The following FAM135B variants were observed in gnomAD, a reference collection of about 807,000 sequenced individuals.
The protein encoded by FAM135B is family with sequence similarity 135 member B, also known as protein FAM135B.
FAM135B carries 43 observed loss-of-function variants against 127.7 expected under a neutral mutation model. That is an observed-to-expected ratio of 0.34 (90% CI 0.26 to 0.43). The LOEUF is 0.43. Ranked by LOEUF, FAM135B falls within the 20% of genes least tolerant of loss-of-function variation. The probability of loss-of-function intolerance (pLI) is 1.00; values close to 1 mark genes in which losing one functional copy is unlikely to be tolerated. For synonymous variants in FAM135B, 670 were observed against 665.1 expected, an observed-to-expected ratio of 1.01 and a Z score of -0.11; for missense variants, 1,558 against 1,725.6, an observed-to-expected ratio of 0.90 and a Z score of 1.72.
At chr8:138,453,771 T>C (rs548483119) in intron 1 of FAM135B, among the ~76,000 whole-genome samples, 6 of 152,184 alleles carry the variant, frequency 3.9e-5, no homozygotes, top group Admixed American at 1.3e-4. Context: ...CTCAGCACCT[T>C]ACATGTTATT....
At chr8:138,454,683 G>A (rs1836679534) in intron 1 of FAM135B, among the ~76,000 whole-genome samples, 1 of 152,166 alleles carries the variant, frequency 6.6e-6, no homozygotes, top group Non-Finnish European at 1.5e-5. Flanking sequence ...TTTAGTTTCA[G>A]TCCATCTAGA....
Position 138,174,372 on chromosome 8 carries a change from C to T in FAM135B, c.1103+2975G>A, listed in dbSNP as rs570708998. 7.2e-5 allele frequency among the ~76,000 whole-genome samples: 11 copies of T among 152,254 alleles called. 1 individual carries two copies. In the East Asian group the frequency reaches 2.1e-3, roughly 29 times the overall value. On this transcript the variant is annotated intron_variant, in intron 11 of 19. Transcript: ENST00000395297. The stretch of plus-strand genomic sequence containing the variant: ...ACCTCCCCGGGGTGACTACCTTTCT[C>T]CAGCTCTGACCTCCAGGTGTGCAGA...
chr8:138,443,377 G>A (rs978389951), intron 1 of FAM135B, among the ~76,000 whole-genome samples: 2 of 152,042 alleles, frequency 1.3e-5, no homozygotes, highest in African/African-American at 4.8e-5. Flanking sequence ...CAGAAAATAT[G>A]ATCTGAACTC....
intron 2 of FAM135B, among the ~76,000 whole-genome samples, chr8:138,343,389 G>T (rs1054233565): frequency 2.6e-5 from 4 of 152,190 alleles, no homozygotes; most frequent in Non-Finnish European, 5.9e-5. Context: ...CAGGCACAAA[G>T]CTTGACCTCC....
intron 7 of FAM135B, among the ~76,000 whole-genome samples, chr8:138,206,550 A>G (rs1817651872): frequency 6.6e-6 from 1 of 151,300 alleles, no homozygotes; most frequent in African/African-American, 2.4e-5. Flanking sequence ...CAACTCCAGC[A>G]TCCCCTCCAC....
At chr8:138,172,451 A>C (rs1373837197) in intron 11 of FAM135B, among the ~76,000 whole-genome samples, 2 of 152,196 alleles carry the variant, frequency 1.3e-5, no homozygotes, top group Admixed American at 6.5e-5. Context: ...AGTGAGTATA[A>C]ATGTCACCTT....
intron 2 of FAM135B, among the ~76,000 whole-genome samples, chr8:138,350,106 T>C (rs947287417): frequency 6.6e-6 from 1 of 152,186 alleles, no homozygotes; most frequent in Non-Finnish European, 1.5e-5. Context: ...GTCACTCTGA[T>C]ATCAGATGCC....
intron 1 of FAM135B, among the ~76,000 whole-genome samples, chr8:138,374,606 G>C (rs747980867): frequency 1.3e-5 from 2 of 152,180 alleles, no homozygotes; most frequent in Non-Finnish European, 2.9e-5. Context: ...CTCTAGGCCA[G>C]AGTGTGAATA....
chr8:138,366,898 G>A (rs1830776067), intron 2 of FAM135B, among the ~76,000 whole-genome samples: 1 of 152,262 alleles, frequency 6.6e-6, no homozygotes, highest in South Asian at 2.1e-4. Flanking sequence ...CTGAACAACA[G>A]GAGATTTTGT....
intron 1 of FAM135B, among the ~76,000 whole-genome samples, chr8:138,470,124 C>T (rs1587530089): frequency 1.3e-5 from 2 of 152,152 alleles, no homozygotes; most frequent in Non-Finnish European, 2.9e-5. Flanking sequence ...AATATCTGAA[C>T]TGAAATATAA....
intron 3 of FAM135B, among the ~76,000 whole-genome samples, chr8:138,306,044 C>T (rs966112018): frequency 2.6e-5 from 4 of 152,096 alleles, no homozygotes; most frequent in African/African-American, 4.8e-5. Flanking sequence ...TTCTGAAAAT[C>T]CCCATCACAC....
intron 1 of FAM135B, among the ~76,000 whole-genome samples, chr8:138,431,953 A>T (rs907103192): frequency 6.6e-6 from 1 of 152,192 alleles, no homozygotes; most frequent in Non-Finnish European, 1.5e-5. Flanking sequence ...GAGGCACCCA[A>T]AGATAACCAA....
chr8:138,486,382 G>A (rs1814986620), intron 1 of FAM135B, among the ~76,000 whole-genome samples: 1 of 152,114 alleles, frequency 6.6e-6, no homozygotes, highest in Non-Finnish European at 1.5e-5. Flanking sequence ...AGGAAGACCT[G>A]GAGGGCTGTA....
At chr8:138,140,681 T>C (rs1181064524) in intron 17 of FAM135B, among the ~76,000 whole-genome samples, 1 of 152,190 alleles carries the variant, frequency 6.6e-6, no homozygotes. Flanking sequence ...ACACACCATA[T>C]ATATGTATAC....
At chr8:138,362,057 G>A (rs881007) in intron 2 of FAM135B, among the ~76,000 whole-genome samples, 140,461 of 152,152 alleles carry the variant, frequency 0.92, 65,322 homozygotes, top group Non-Finnish European at 0.99. Context: ...GGCATGCAAC[G>A]CATAATAATC....
chr8:138,177,495 G>A, intron 10 of FAM135B, 75 bp from the exon 11 acceptor site: 1 of 1,277,402 alleles, frequency 7.8e-7, no homozygotes, highest in Admixed American at 2.2e-5. Flanking sequence ...TTTTAATTGA[G>A]GCTCAAAAAG....
At chr8:138,316,189 C>T (rs1827072081) in intron 2 of FAM135B, among the ~76,000 whole-genome samples, 1 of 152,182 alleles carries the variant, frequency 6.6e-6, no homozygotes, top group African/African-American at 2.4e-5. Flanking sequence ...AGATATTCAA[C>T]ATCATCAGAC....
At chr8:138,377,805 C>T (rs1210383668) in intron 1 of FAM135B, among the ~76,000 whole-genome samples, 3 of 152,310 alleles carry the variant, frequency 2.0e-5, no homozygotes, top group African/African-American at 4.8e-5. Context: ...AAATTACTCT[C>T]GAAAGCATGT....
intron 7 of FAM135B, 58 bp from the exon 8 acceptor site, chr8:138,197,727 A>C (rs1053415796): frequency 6.4e-7 from 1 of 1,573,904 alleles, no homozygotes; most frequent in African/African-American, 1.4e-5. Context: ...CAGGCAGCAC[A>C]GGGCTGTGAT....
Sources: gnomAD v4.1 joint callset for allele counts (sites outside exome capture counted in the v4.1 genomes callset) on GRCh38, gnomAD v4.1.1 for gene constraint, MANE v1.5 for transcripts, NCBI Gene and HGNC (gene_info 2026-07-23, HGNC 2026-07-21) for gene names.